Variants in UBAP2L observed in about 807,000 individuals in gnomAD.
UBAP2L encodes ubiquitin-associated protein 2-like.
UBAP2L carries 12 observed loss-of-function variants against 130.6 expected under a neutral mutation model. The ratio of observed to expected loss-of-function variants is 0.09; its 90% CI spans 0.06 to 0.15. UBAP2L has a LOEUF of 0.15. Among genes scored for constraint, UBAP2L ranks in the 10% least tolerant of loss-of-function variants. UBAP2L has a pLI of 1.00. For missense variants in UBAP2L, 965 were observed against 1,332.5 expected, an observed-to-expected ratio of 0.72 and a Z score of 4.29; for synonymous variants, 503 against 524.7, an observed-to-expected ratio of 0.96 and a Z score of 0.57.
chr1:154,238,739 CTTTTCTTT>C (rs1558151045), intron 8 of UBAP2L, among the ~76,000 whole-genome samples: 1 of 151,124 alleles, frequency 6.6e-6, no homozygotes, highest in Non-Finnish European at 1.5e-5. Context: ...TTTTTTTTTT[CTTTTCTTT>C]TTTTCTTTTT....
intron 10 of UBAP2L, among the ~76,000 whole-genome samples, chr1:154,245,249 C>T (rs1422623975): frequency 6.6e-6 from 1 of 152,142 alleles, no homozygotes; most frequent in East Asian, 1.9e-4. Flanking sequence ...AGTGACCAAC[C>T]CTCATCCTGA....
rs1014775795 is a variant in UBAP2L, at chr1:154,265,730, G to A, written c.2903-771G>A. ...GAGTTTTTTTCAACAGGAAATATGAGAGTTGGGGTATGAGAGCTTTTATCT... is the reference window on the plus strand; with the variant it reads ...GAGTTTTTTTCAACAGGAAATATGAAAGTTGGGGTATGAGAGCTTTTATCT... On this transcript the variant is annotated intron_variant, in intron 24 of 26. Coordinates refer to ENST00000428931, the MANE Select transcript of UBAP2L (RefSeq NM_014847.4). Among the ~76,000 whole-genome samples the A allele has an allele frequency of 2.6e-5, 4 of 152,184 alleles. No individual in the cohort carries two copies. In the South Asian group the frequency reaches 6.2e-4, roughly 24 times the overall value.
intron 1 of UBAP2L, among the ~76,000 whole-genome samples, chr1:154,223,760 A>G (rs1183821521): frequency 6.6e-6 from 1 of 152,182 alleles, no homozygotes; most frequent in Non-Finnish European, 1.5e-5. Context: ...ATGCACAGAA[A>G]AAGTCAGCTT....
At chr1:154,256,449 C>T (rs1679685759) in intron 18 of UBAP2L, among the ~76,000 whole-genome samples, 1 of 152,072 alleles carries the variant, frequency 6.6e-6, no homozygotes, top group African/African-American at 2.4e-5. Context: ...CCAACCTGAG[C>T]AATATAGTGA....
chr1:154,225,427 AT>A (rs1169751907), intron 2 of UBAP2L, among the ~76,000 whole-genome samples: 1 of 150,554 alleles, frequency 6.6e-6, no homozygotes, highest in Non-Finnish European at 1.5e-5. Flanking sequence ...ATACTGTATT[AT>A]GAGGCTTAGC....
chr1:154,239,900 A>G (rs143695809), intron 8 of UBAP2L, among the ~76,000 whole-genome samples: 7 of 152,298 alleles, frequency 4.6e-5, no homozygotes, highest in African/African-American at 1.7e-4. Context: ...TTTTGAGAAT[A>G]TTGTCATTAT....
intron 18 of UBAP2L, 75 bp from the exon 19 acceptor site, chr1:154,256,988 G>T: frequency 6.6e-7 from 1 of 1,506,308 alleles, no homozygotes. Flanking sequence ...CAGCAGGAGG[G>T]ATTGTCTTAT....
chr1:154,249,547 G>A (rs543554591), intron 12 of UBAP2L, 110 bp downstream of exon 12: 1 of 1,335,040 alleles, frequency 7.5e-7, no homozygotes, highest in East Asian at 2.3e-5. Context: ...AAAAGGGGCA[G>A]CTAGTTGGTT....
intron 21 of UBAP2L, 92 bp downstream of exon 21, chr1:154,259,122 TC>T (rs2148993181): frequency 8.8e-7 from 1 of 1,141,938 alleles, no homozygotes; most frequent in Non-Finnish European, 1.3e-6. Flanking sequence ...CTCTTTCCCA[TC>T]CCAGCCCTCC....
At chr1:154,254,755 TA>T in intron 15 of UBAP2L, 80 bp from the exon 16 acceptor site, 1 of 1,431,398 alleles carries the variant, frequency 7.0e-7, no homozygotes, top group Non-Finnish European at 9.6e-7. Flanking sequence ...TTGACCAAAA[TA>T]AAGCTGCATC....
chr1:154,235,375 G>A (rs922287303), intron 6 of UBAP2L, 84 bp downstream of exon 6: 2 of 633,182 alleles, frequency 3.2e-6, no homozygotes, highest in Non-Finnish European at 5.7e-6. Flanking sequence ...TTTTTTATTG[G>A]AGGTAGTCTC....
intron 2 of UBAP2L, 104 bp from the exon 3 acceptor site, chr1:154,227,178 A>G (rs186119866): frequency 2.1e-5 from 20 of 951,032 alleles, no homozygotes; most frequent in Non-Finnish European, 2.0e-5. Flanking sequence ...CTCATTTGTT[A>G]CAAGGAAAAG....
chr1:154,259,350 C>G (rs1198589904), intron 21 of UBAP2L, among the ~76,000 whole-genome samples: 1 of 152,082 alleles, frequency 6.6e-6, no homozygotes, highest in African/African-American at 2.4e-5. Flanking sequence ...ACCACCACCC[C>G]CAGCTAATTT....
At chr1:154,247,408 A>G (rs1675887482) in intron 11 of UBAP2L, among the ~76,000 whole-genome samples, 1 of 152,210 alleles carries the variant, frequency 6.6e-6, no homozygotes. Context: ...GAAAGAAAAT[A>G]GGACAAAGGT....
chr1:154,247,968 A>ATTT (rs201114755), intron 11 of UBAP2L, among the ~76,000 whole-genome samples: 4 of 147,352 alleles, frequency 2.7e-5, no homozygotes, highest in South Asian at 2.2e-4. Context: ...TTTTTTATTT[A>ATTT]TTTTTTATTT....
chr1:154,225,331 T>C, intron 2 of UBAP2L, 118 bp downstream of exon 2: 1 of 1,140,336 alleles, frequency 8.8e-7, no homozygotes, highest in Non-Finnish European at 1.3e-6. Context: ...ATTTTTGTTT[T>C]CTAGTCCTTG....
chr1:154,266,951 A>T (rs1683407916), intron 25 of UBAP2L, among the ~76,000 whole-genome samples: 1 of 152,044 alleles, frequency 6.6e-6, no homozygotes, highest in African/African-American at 2.4e-5. Flanking sequence ...TAACAGTGGG[A>T]GTGGGAAAGG....
At chr1:154,262,758 C>T (rs185572132) in intron 24 of UBAP2L, among the ~76,000 whole-genome samples, 3 of 152,082 alleles carry the variant, frequency 2.0e-5, no homozygotes, top group East Asian at 3.9e-4. Flanking sequence ...CTGAGAAGCC[C>T]CATTGAGATT....
chr1:154,246,243 A>G lies in UBAP2L; in HGVS notation c.882A>G (p.Thr294=), dbSNP rs1675445606. 2 of 1,613,448 alleles carry G rather than the reference A, an allele frequency of 1.2e-6. No individual in the cohort carries two copies. The highest frequency in any genetic ancestry group is 1.7e-5 in the Admixed American group (1 of 59,980). ...TTCTGCTGGGGAAGACACCATCTAC[A>G]ATGGAGAATGATTCATCTAATCTGG... ...LAVLLGKTPS[T]MENDSSNLDP... The change falls in exon 11 of 27, where the codon ACA becomes ACG. Residue 294 remains threonine, a synonymous_variant. Coordinates refer to ENST00000428931, the MANE Select transcript of UBAP2L (RefSeq NM_014847.4).
Sources: allele counts gnomAD v4.1 joint callset (sites outside exome capture counted in the v4.1 genomes callset), GRCh38; gene constraint gnomAD v4.1.1; transcripts MANE v1.5; gene names NCBI Gene and HGNC (gene_info 2026-07-23, HGNC 2026-07-21).